KDM4C: variants seen among roughly 807,000 people sequenced by gnomAD.
The protein encoded by KDM4C is lysine-specific demethylase 4C.
A neutral mutation model predicts 129.3 loss-of-function variants in KDM4C; 81 were observed. The observed-to-expected ratio is 0.63, with a 90% CI of 0.52 to 0.75. The LOEUF (loss-of-function observed/expected upper bound fraction) is 0.75. Among genes scored for constraint, KDM4C ranks in the 30% least tolerant of loss-of-function variants. The pLI is 0.00. For synonymous variants in KDM4C, 573 were observed against 456.1 expected (o/e 1.26, Z -3.26); for missense variants, 1,457 against 1,304.0 (o/e 1.12, Z -1.81).
chr9:6,866,039 C>T (rs1841908306), intron 5 of KDM4C, among the ~76,000 whole-genome samples: 1 of 152,000 alleles, frequency 6.6e-6, no homozygotes, highest in Admixed American at 6.6e-5. Flanking sequence ...CCGTGCCTGG[C>T]CACCCAGCTA....
chr9:6,758,289 A>ACGGGGGTG lies in KDM4C; in HGVS notation c.-18+91_-18+98dup, dbSNP rs1313588890. 2.5e-4 allele frequency: 214 copies of ACGGGGGTG among 839,386 alleles called. 1 individual carries two copies. The highest frequency in any genetic ancestry group is 3.0e-4 in the Non-Finnish European group (208 of 698,062). 52.0% of individuals were successfully genotyped at this position (839,386 alleles called of 1,614,324 possible). A position where few individuals can be genotyped will look rare whatever the true frequency, so the allele number is the denominator to read the frequency against. Reference sequence around the variant, plus strand: ...GGCACTGCCCCCCTCCGCGTGGGGCACGGGGGTGCGGGCGTCCGGGCGAGC... The same window carrying ACGGGGGTG: ...GGCACTGCCCCCCTCCGCGTGGGGCACGGGGGTGCGGGGGTGCGGGCGTCCGGGCGAGC... On this transcript the variant is annotated intron_variant, in intron 1 of 21. Coordinates refer to ENST00000381309, the MANE Select transcript of KDM4C (RefSeq NM_015061.6). This position sits in a 1 kb window ranked among gnomAD's most constrained non-coding sequence, Gnocchi z 4.6.
chr9:6,721,948 C>A (rs1416707213), intron 1 of KDM4C, among the ~76,000 whole-genome samples: 1 of 152,076 alleles, frequency 6.6e-6, no homozygotes, highest in East Asian at 1.9e-4. Context: ...TGTTGAGCTC[C>A]TGGGTGCAAG....
chr9:6,876,219 A>G (rs1843532818), intron 5 of KDM4C, among the ~76,000 whole-genome samples: 2 of 152,300 alleles, frequency 1.3e-5, no homozygotes, highest in East Asian at 1.9e-4. Context: ...GGCTCACCTC[A>G]TTGCCTTGTA....
chr9:6,744,874 G>C (rs140501333), intron 1 of KDM4C, among the ~76,000 whole-genome samples: 79 of 152,152 alleles, frequency 5.2e-4, no homozygotes, highest in African/African-American at 1.7e-3. Flanking sequence ...GAGAGCAGGG[G>C]ATACCTGGGG....
intron 5 of KDM4C, 23 bp from the exon 6 acceptor site, chr9:6,879,989 T>C: frequency 7.0e-7 from 1 of 1,424,440 alleles, no homozygotes; most frequent in Non-Finnish European, 9.7e-7. Context: ...ACCTAAAATT[T>C]TTACTTATGT....
At chr9:6,846,828 A>C (rs1033411349) in intron 4 of KDM4C, among the ~76,000 whole-genome samples, 1 of 152,186 alleles carries the variant, frequency 6.6e-6, no homozygotes, top group Non-Finnish European at 1.5e-5. Flanking sequence ...CAGTTCTAAT[A>C]ATTAAATTTT....
intron 18 of KDM4C, among the ~76,000 whole-genome samples, chr9:7,125,146 G>A (rs559480828): frequency 5.3e-5 from 8 of 151,914 alleles, no homozygotes; most frequent in African/African-American, 9.7e-5. Context: ...CCTGCTCCCC[G>A]GGCCATTTCT....
At chr9:7,052,900 A>AGAGAGAGC (rs1564049799) in intron 17 of KDM4C, among the ~76,000 whole-genome samples, 1 of 10,004 alleles carries the variant, frequency 1.0e-4, no homozygotes, top group African/African-American at 5.4e-4. Flanking sequence ...AGAGAGAGAG[A>AGAGAGAGC]GCGAGCGAGT....
chr9:6,855,190 G>A (rs1346721187), intron 5 of KDM4C, among the ~76,000 whole-genome samples: 3 of 152,190 alleles, frequency 2.0e-5, no homozygotes, highest in Non-Finnish European at 2.9e-5. Context: ...GCCAGGCGCT[G>A]AGGCTCATGC....
chr9:6,983,676 A>G (rs1412301377), intron 9 of KDM4C, among the ~76,000 whole-genome samples: 1 of 151,956 alleles, frequency 6.6e-6, no homozygotes, highest in Non-Finnish European at 1.5e-5. Flanking sequence ...AATTTGAACT[A>G]TTTTCATACA....
At chr9:6,731,345 A>G (rs1311416975) in intron 1 of KDM4C, among the ~76,000 whole-genome samples, 36 of 31,006 alleles carry the variant, frequency 1.2e-3, no homozygotes, top group African/African-American at 4.0e-3. Context: ...TTTTTTTTTG[A>G]GACTGAGTTT....
At chr9:6,867,226 A>T (rs1267916565) in intron 5 of KDM4C, among the ~76,000 whole-genome samples, 1 of 151,914 alleles carries the variant, frequency 6.6e-6, no homozygotes, top group African/African-American at 2.4e-5. Flanking sequence ...ATGTTGGCTA[A>T]GATGGTCTTG....
At chr9:6,766,292 C>T (rs561966656) in intron 1 of KDM4C, among the ~76,000 whole-genome samples, 1 of 152,088 alleles carries the variant, frequency 6.6e-6, no homozygotes, top group African/African-American at 2.4e-5. Context: ...TGTTTGCCCT[C>T]GAAACTTTCA....
chr9:6,921,712 C>T (rs1219646938), intron 8 of KDM4C, among the ~76,000 whole-genome samples: 3 of 152,150 alleles, frequency 2.0e-5, no homozygotes, highest in Non-Finnish European at 2.9e-5. Context: ...TTCCTAGCTT[C>T]CCATCTCGCT....
chr9:7,093,409 G>A (rs1048493375), intron 17 of KDM4C, among the ~76,000 whole-genome samples: 5 of 152,010 alleles, frequency 3.3e-5, no homozygotes, highest in East Asian at 1.9e-4. Context: ...AAAAGAAAAC[G>A]GAAAACTCAA....
chr9:6,997,725 A>G (rs1231200440), intron 12 of KDM4C, among the ~76,000 whole-genome samples: 1 of 152,170 alleles, frequency 6.6e-6, no homozygotes, highest in East Asian at 1.9e-4. Context: ...CCTGTGTAAA[A>G]TGTGAGGCTT....
chr9:6,892,316 T>TA (rs1846212420), intron 7 of KDM4C, among the ~76,000 whole-genome samples: 4 of 152,310 alleles, frequency 2.6e-5, no homozygotes, highest in African/African-American at 7.2e-5. Flanking sequence ...ATCGGATAGA[T>TA]ACTTTTTTAA....
chr9:6,789,458 G>A (rs531377467), intron 1 of KDM4C, among the ~76,000 whole-genome samples: 28 of 152,160 alleles, frequency 1.8e-4, no homozygotes, highest in Admixed American at 3.9e-4. Flanking sequence ...GACCTCAGGT[G>A]ATCCACCCAC....
At chr9:7,091,091 C>G (rs912204) in intron 17 of KDM4C, among the ~76,000 whole-genome samples, 52,081 of 151,884 alleles carry the variant, frequency 0.34, 9,178 homozygotes, top group Middle Eastern at 0.51. Flanking sequence ...CTTGGGGGCT[C>G]TATTTTTAAT....
Sources: gnomAD v4.1 joint callset for allele counts (sites outside exome capture counted in the v4.1 genomes callset) on GRCh38, gnomAD v4.1.1 for gene constraint, Gnocchi (gnomAD v3.1) non-coding constraint, MANE v1.5 for transcripts, NCBI Gene and HGNC (gene_info 2026-07-23, HGNC 2026-07-21) for gene names.